KANSL1: variants seen among roughly 807,000 people sequenced by gnomAD.
The protein encoded by KANSL1 is MLL1/MLL complex subunit KANSL1.
In KANSL1, 22 loss-of-function variants were observed where a neutral mutation model predicts 103.6. The ratio of observed to expected loss-of-function variants is 0.21; its 90% CI spans 0.15 to 0.30. The LOEUF (loss-of-function observed/expected upper bound fraction) is 0.30, where lower values mean the gene tolerates loss of function less well. KANSL1 is among the 10% of genes least tolerant of loss of function. The pLI is 1.00. For missense variants in KANSL1, 1,337 were observed against 1,399.8 expected, an observed-to-expected ratio of 0.96 and a Z score of 0.72; for synonymous variants, 600 against 527.6, an observed-to-expected ratio of 1.14 and a Z score of -1.88.
At chr17:46,075,646 A>G (rs1054718081) in intron 4 of KANSL1, among the ~76,000 whole-genome samples, 1 of 152,234 alleles carries the variant, frequency 6.6e-6, no homozygotes, top group Non-Finnish European at 1.5e-5. Flanking sequence ...TCATATTTTA[A>G]AAGAATGAAG....
chr17:46,167,937 C>T (rs1335636551), intron 2 of KANSL1, among the ~76,000 whole-genome samples: 1 of 152,218 alleles, frequency 6.6e-6, no homozygotes, highest in Non-Finnish European at 1.5e-5. Context: ...TAAGCAACAT[C>T]ATTTAAAAAC....
At chr17:46,082,405 C>A in intron 4 of KANSL1, 36 bp downstream of exon 4, 1 of 1,380,686 alleles carries the variant, frequency 7.2e-7, no homozygotes. Context: ...ACCCTTAATT[C>A]TCACGCATTT....
chr17:46,086,727 G>C (rs373360565), intron 3 of KANSL1, among the ~76,000 whole-genome samples: 2 of 152,182 alleles, frequency 1.3e-5, no homozygotes, highest in Non-Finnish European at 2.9e-5. Context: ...GCCAATGGAG[G>C]AGGACTGCTT....
chr17:46,078,661 A>T (rs2078875925), intron 4 of KANSL1, among the ~76,000 whole-genome samples: 1 of 152,208 alleles, frequency 6.6e-6, no homozygotes, highest in Non-Finnish European at 1.5e-5. Flanking sequence ...TCTGTCTGAA[A>T]TTTTGCTGAC....
In KANSL1 at chr17:46,052,963, CCAA is replaced by C. The variant is rs2077770941; in HGVS notation, c.1849-2262_1849-2260del. Among the ~76,000 whole-genome samples the C allele has an allele frequency of 1.5e-3, 65 of 43,162 alleles. 5 individuals carry two copies. Among genetic ancestry groups the C allele is most frequent in the African/African-American group, 6.5e-3 (64 of 9,826 alleles). The allele number at this position is 43,162 out of a possible 152,430, so 28.3% of individuals were successfully genotyped here. A position where few individuals can be genotyped will look rare whatever the true frequency, so the allele number is the denominator to read the frequency against. On this transcript the variant is annotated intron_variant, in intron 6 of 14. Coordinates refer to ENST00000432791, the MANE Select transcript of KANSL1 (RefSeq NM_015443.4). ...TGGGAAAAAGAGTAAGATCCTGTCT[CCAA>C]AAAAAAAAAAAAAAAAAAAAAAAAA...
chr17:46,162,739 C>A (rs545573499), intron 2 of KANSL1, among the ~76,000 whole-genome samples: 2 of 152,234 alleles, frequency 1.3e-5, no homozygotes, highest in Admixed American at 6.5e-5. Flanking sequence ...AAATACAAAT[C>A]ATGTAAGCCA....
chr17:46,188,735 T>C (rs1414486122), intron 1 of KANSL1, among the ~76,000 whole-genome samples: 1 of 152,030 alleles, frequency 6.6e-6, no homozygotes, highest in Admixed American at 6.5e-5. Flanking sequence ...AAACTCTAAA[T>C]AAGACAAGCA....
intron 7 of KANSL1, among the ~76,000 whole-genome samples, chr17:46,046,565 C>T (rs1411314625): frequency 8.1e-4 from 105 of 130,074 alleles, no homozygotes; most frequent in African/African-American, 2.8e-3. Context: ...AAGCCAGGTG[C>T]GGTGGCTCAT....
intron 2 of KANSL1, among the ~76,000 whole-genome samples, chr17:46,112,770 G>A (rs1428415926): frequency 6.6e-6 from 1 of 150,604 alleles, no homozygotes; most frequent in East Asian, 1.9e-4. Context: ...TGCCCAGGCT[G>A]GAGTGCAATG....
intron 2 of KANSL1, among the ~76,000 whole-genome samples, chr17:46,137,043 G>A (rs1381222024): frequency 6.6e-6 from 1 of 152,228 alleles, no homozygotes; most frequent in Non-Finnish European, 1.5e-5. Context: ...TCTTTGGGGT[G>A]AGTGTAGGGC....
intron 2 of KANSL1, among the ~76,000 whole-genome samples, chr17:46,145,428 T>C (rs1298411787): frequency 6.6e-6 from 1 of 152,258 alleles, no homozygotes; most frequent in Non-Finnish European, 1.5e-5. Flanking sequence ...GAGATAATTC[T>C]AAATTCCCCA....
At chr17:46,045,466 T>C (rs1442798744) in intron 7 of KANSL1, 1 of 131,536 alleles carries the variant, frequency 7.6e-6, no homozygotes, top group Non-Finnish European at 1.8e-5. Context: ...CACAGTCTCA[T>C]AAGGAGAATT....
intron 2 of KANSL1, among the ~76,000 whole-genome samples, chr17:46,148,748 A>AT (rs1184569546): frequency 6.6e-5 from 10 of 150,984 alleles, no homozygotes; most frequent in South Asian, 2.1e-4. Flanking sequence ...TGCCTTGCTA[A>AT]TTTTTTTTTG....
intron 1 of KANSL1, among the ~76,000 whole-genome samples, chr17:46,179,945 T>C (rs1276298489): frequency 6.6e-6 from 1 of 151,698 alleles, no homozygotes; most frequent in Non-Finnish European, 1.5e-5. Context: ...GCACCTGTAC[T>C]CCCAGCTACT....
At chr17:46,104,786 T>C (rs1451100838) in intron 2 of KANSL1, among the ~76,000 whole-genome samples, 1 of 152,198 alleles carries the variant, frequency 6.6e-6, no homozygotes. Flanking sequence ...CATGAAGATT[T>C]TGAGCAAAAT....
chr17:46,120,424 A>G (rs1375498184), intron 2 of KANSL1, among the ~76,000 whole-genome samples: 1 of 152,186 alleles, frequency 6.6e-6, no homozygotes, highest in Non-Finnish European at 1.5e-5. Context: ...TTTCTACAAT[A>G]TATTTATATA....
In KANSL1 at chr17:46,030,122, T is replaced by G. The variant is rs563924578; in HGVS notation, c.*1354A>C. ...AAGAAAATATTTACAAAATACAAGG[T>G]TTTTTTTTTCCATTTTTTGTTTTTG... On this transcript the variant is annotated 3_prime_UTR_variant, in exon 15 of 15. Coordinates refer to ENST00000432791, the MANE Select transcript of KANSL1 (RefSeq NM_015443.4). 14 of 110,276 alleles carry G rather than the reference T, an allele frequency of 1.3e-4. No individual in the cohort carries two copies. Among genetic ancestry groups the G allele is most frequent in the South Asian group, 2.5e-4 (1 of 4,010 alleles). The allele number at this position is 110,276 out of a possible 1,614,324, so 6.8% of individuals were successfully genotyped here.
chr17:46,099,719 G>A (rs2042230749), intron 2 of KANSL1, among the ~76,000 whole-genome samples: 1 of 152,162 alleles, frequency 6.6e-6, no homozygotes, highest in Admixed American at 6.5e-5. Flanking sequence ...GCCTTAGAAC[G>A]TTTGATTTTA....
At chr17:46,167,095 T>C (rs1406299473) in intron 2 of KANSL1, among the ~76,000 whole-genome samples, 1 of 151,270 alleles carries the variant, frequency 6.6e-6, no homozygotes, top group Non-Finnish European at 1.5e-5. Context: ...CTACATAATG[T>C]GGTCCAGGTA....
Sources: gnomAD v4.1 joint callset for allele counts (sites outside exome capture counted in the v4.1 genomes callset) on GRCh38, gnomAD v4.1.1 for gene constraint, MANE v1.5 for transcripts, NCBI Gene and HGNC (gene_info 2026-07-23, HGNC 2026-07-21) for gene names.